Variants in SNX11 observed in about 807,000 individuals in gnomAD.
SNX11 encodes sorting nexin 11.
SNX11 carries 19 observed loss-of-function variants against 30.7 expected under a neutral mutation model. The ratio of observed to expected loss-of-function variants is 0.62; its 90% CI spans 0.43 to 0.91. SNX11 has a LOEUF of 0.91. Among genes scored for constraint, SNX11 ranks in the 40% least tolerant of loss-of-function variants. The probability of loss-of-function intolerance (pLI) is 0.00; values close to 1 mark genes in which losing one functional copy is unlikely to be tolerated. For missense variants in SNX11, 302 were observed against 326.7 expected, an observed-to-expected ratio of 0.92 and a Z score of 0.58; for synonymous variants, 112 against 119.0, an observed-to-expected ratio of 0.94 and a Z score of 0.38.
Position 48,121,892 on chromosome 17 carries a change from T to A in SNX11, c.*384T>A, listed in dbSNP as rs1338095218. Reference sequence around the variant, plus strand: ...ATATTGAACATCATCCCACTGGGAGTGGTTATGTTGTATCCCCATCTTGGC... The same window carrying A: ...ATATTGAACATCATCCCACTGGGAGAGGTTATGTTGTATCCCCATCTTGGC... On this transcript the variant is annotated 3_prime_UTR_variant, in exon 7 of 7. Coordinates refer to ENST00000359238, the MANE Select transcript of SNX11 (RefSeq NM_013323.3). The A allele has an allele frequency of 5.4e-6, 1 of 183,510 alleles. No homozygotes were observed. The highest frequency in any genetic ancestry group is 1.1e-5 in the Non-Finnish European group (1 of 87,228). The allele number at this position is 183,510 out of a possible 1,614,324, so 11.4% of individuals were successfully genotyped here.
chr17:48,108,696 G>A (rs955511960), intron 1 of SNX11, among the ~76,000 whole-genome samples: 12 of 152,334 alleles, frequency 7.9e-5, no homozygotes, highest in Admixed American at 3.3e-4. Flanking sequence ...CCCAGAAAAT[G>A]TAGTTAACAC....
intron 4 of SNX11, 103 bp from the exon 5 acceptor site, chr17:48,118,601 G>C (rs986397660): frequency 3.0e-6 from 2 of 666,020 alleles, no homozygotes; most frequent in East Asian, 2.7e-5. Flanking sequence ...AAAGCTATTT[G>C]TATTGATTAG....
Position 48,113,672 on chromosome 17 carries a change from A to G in SNX11, c.230+271A>G, listed in dbSNP as rs1206716074. On this transcript the variant is annotated intron_variant, in intron 4 of 6. Transcript: ENST00000359238. Reference sequence around the variant, plus strand: ...GCAATCCTCCCACCTCAGCTTCCCAAGTGGCTGGGACTACAGGTGCATGCC... The same window carrying G: ...GCAATCCTCCCACCTCAGCTTCCCAGGTGGCTGGGACTACAGGTGCATGCC... 13 of 356,908 alleles carry G rather than the reference A, an allele frequency of 3.6e-5. No homozygotes were observed. Among genetic ancestry groups the G allele is most frequent in the Admixed American group, 3.5e-4 (8 of 23,006 alleles). The allele number at this position is 356,908 out of a possible 1,614,324, so 22.1% of individuals were successfully genotyped here.
chr17:48,113,578 C>G, intron 4 of SNX11, 177 bp downstream of exon 4: 3 of 469,338 alleles, frequency 6.4e-6, no homozygotes, highest in Non-Finnish European at 1.2e-5. Context: ...TAGGGTCTTG[C>G]TTTGTTACAG....
intron 4 of SNX11, among the ~76,000 whole-genome samples, chr17:48,115,064 C>CTTTTTT (rs1239738711): frequency 8.1e-6 from 1 of 123,204 alleles, no homozygotes; most frequent in Non-Finnish European, 1.8e-5. Flanking sequence ...CGCCTTTTTT[C>CTTTTTT]TTTTTTTTTT....
intron 4 of SNX11, among the ~76,000 whole-genome samples, chr17:48,114,083 T>C (rs2063518555): frequency 1.3e-5 from 2 of 151,874 alleles, no homozygotes; most frequent in South Asian, 4.2e-4. Flanking sequence ...CTCAAATTCC[T>C]GGACTCAAGT....
At position 48,119,194 on chromosome 17, in the gene SNX11, G is replaced by T; in HGVS notation, c.539+8G>T. 6.2e-7 allele frequency: 1 copy of T among 1,608,666 alleles called. No individual in the cohort carries two copies. Among genetic ancestry groups the T allele is most frequent in the South Asian group, 1.1e-5 (1 of 90,922 alleles). Reference sequence around the variant, plus strand: ...AGGAGACCAGCCTAAGAGGTAACTGGAGTACTCTTTGAGATAGCAGGGGCT... The same window carrying T: ...AGGAGACCAGCCTAAGAGGTAACTGTAGTACTCTTTGAGATAGCAGGGGCT... On this transcript the variant is annotated splice_region_variant and intron_variant, in intron 6 of 6. Coordinates refer to ENST00000359238, the MANE Select transcript of SNX11 (RefSeq NM_013323.3).
rs764733952 is a variant in SNX11, at chr17:48,112,589, C to T, written c.58C>T (p.Arg20Cys). The change falls in exon 3 of 7, where the codon CGT becomes TGT. Residue 20 changes from arginine to cysteine, a missense_variant. By Grantham distance (180) the Arg-to-Cys change is radical. Transcript: ENST00000359238. ...NQEQEEVITV[R>C]VQDPRVQNEG... ...TTACCTACAGGAGGTGATTACAGTGCGTGTTCAGGACCCCCGAGTGCAGAA... is the reference window on the plus strand; with the variant it reads ...TTACCTACAGGAGGTGATTACAGTGTGTGTTCAGGACCCCCGAGTGCAGAA... 1.4e-5 allele frequency: 23 copies of T among 1,612,448 alleles called. No individual in the cohort carries two copies. Among genetic ancestry groups the T allele is most frequent in the East Asian group, 4.5e-5 (2 of 44,868 alleles).
chr17:48,115,679 T>C (rs2063538443), intron 4 of SNX11, among the ~76,000 whole-genome samples: 1 of 152,166 alleles, frequency 6.6e-6, no homozygotes. Context: ...AGGCAGTTAT[T>C]ATTTACTCCT....
intron 6 of SNX11, among the ~76,000 whole-genome samples, chr17:48,120,069 G>C (rs1242360572): frequency 6.6e-6 from 1 of 151,468 alleles, no homozygotes; most frequent in Admixed American, 6.6e-5. Flanking sequence ...AGGTTCATTT[G>C]TATTTTATCA....
chr17:48,114,327 A>G (rs1224615128), intron 4 of SNX11, among the ~76,000 whole-genome samples: 2 of 146,460 alleles, frequency 1.4e-5, no homozygotes, highest in African/African-American at 2.6e-5. Context: ...CTAATTTTGT[A>G]TTTTTAGTAG....
chr17:48,111,975 AATG>A (rs1280253550), intron 1 of SNX11, 53 bp from the exon 2 acceptor site: 3 of 1,409,470 alleles, frequency 2.1e-6, no homozygotes, highest in Non-Finnish European at 3.0e-6. Flanking sequence ...CCTGGTAAAG[AATG>A]ATAAGAACAG....
chr17:48,112,061 G>A lies in SNX11; in HGVS notation c.18G>A (p.Arg6=), dbSNP rs772748470. 1 of 1,613,780 alleles carries A rather than the reference G, an allele frequency of 6.2e-7. No individual in the cohort carries two copies. The highest frequency in any genetic ancestry group is 8.5e-7 in the Non-Finnish European group (1 of 1,179,694). The part of the protein sequence containing the change: MGFWC[R]MSENQEQEEV... ...TCCTTCCAATGGGCTTTTGGTGTAG[G>A]ATGTCGGAGAACCAAGAACAGGAGG... The change falls in exon 2 of 7, where the codon AGG becomes AGA. Residue 6 remains arginine (R), a synonymous_variant. Transcript: ENST00000359238.
intron 2 of SNX11, chr17:48,112,370 A>G (rs2063500581): frequency 3.1e-6 from 2 of 645,698 alleles, no homozygotes; most frequent in South Asian, 1.8e-5. Flanking sequence ...CCCAGTGCCT[A>G]TAACAGTGTC....
intron 3 of SNX11, 35 bp downstream of exon 3, chr17:48,112,695 C>T (rs367893026): frequency 3.8e-4 from 524 of 1,390,018 alleles, no homozygotes; most frequent in Non-Finnish European, 5.1e-4. Context: ...GGGGTCAGCG[C>T]TCTGCAGGGC....
chr17:48,121,409 A>G lies in SNX11; in HGVS notation c.714A>G (p.Lys238=). 6.2e-7 allele frequency: 1 copy of G among 1,614,234 alleles called. No homozygotes were observed. Among genetic ancestry groups the G allele is most frequent in the South Asian group, 1.1e-5 (1 of 91,086 alleles). Residue 238 remains lysine, a synonymous_variant, in exon 7 of 7, where the codon AAA becomes AAG. Coordinates refer to ENST00000359238, the MANE Select transcript of SNX11 (RefSeq NM_013323.3). ...TATGCTGTGATTTTGGAAGACCCAA[A>G]GAGGGAACCTCCACTCTTCAGTCTG... ...SPLCCDFGRP[K]EGTSTLQSVR...
At chr17:48,112,878 G>C in intron 3 of SNX11, 1 of 337,360 alleles carries the variant, frequency 3.0e-6, no homozygotes, top group Non-Finnish European at 5.5e-6. Context: ...TTACAGGCAT[G>C]TGCCACCACG....
At chr17:48,116,103 CA>C (rs2063543810) in intron 4 of SNX11, among the ~76,000 whole-genome samples, 1 of 151,894 alleles carries the variant, frequency 6.6e-6, no homozygotes, top group African/African-American at 2.4e-5. Context: ...ACTAAAAATA[CA>C]AAAAACTAGC....
intron 4 of SNX11, among the ~76,000 whole-genome samples, chr17:48,114,887 G>A (rs571765167): frequency 4.0e-5 from 6 of 150,504 alleles, no homozygotes; most frequent in Admixed American, 3.3e-4. Context: ...GGCTGGTGTC[G>A]AACTCCTGAG....
Sources: gnomAD v4.1 joint callset for allele counts (sites outside exome capture counted in the v4.1 genomes callset) on GRCh38, gnomAD v4.1.1 for gene constraint, MANE v1.5 for transcripts, NCBI Gene and HGNC (gene_info 2026-07-23, HGNC 2026-07-21) for gene names.